The following MGAT3 variants were observed in gnomAD, a reference collection of about 807,000 sequenced individuals.
MGAT3 encodes GlcNAc-T III.
A neutral mutation model predicts 29.8 loss-of-function variants in MGAT3; 9 were observed. That is an observed-to-expected ratio of 0.30 (90% CI 0.18 to 0.53). MGAT3 has a LOEUF of 0.53. Ranked by LOEUF, MGAT3 falls within the 20% of genes least tolerant of loss-of-function variation. The probability of loss-of-function intolerance (pLI) is 0.96; values close to 1 mark genes in which losing one functional copy is unlikely to be tolerated. For missense variants in MGAT3, 557 were observed against 769.5 expected, an observed-to-expected ratio of 0.72 and a Z score of 3.27; for synonymous variants, 397 against 348.9, an observed-to-expected ratio of 1.14 and a Z score of -1.54.
chr22:39,461,318 CA>C (rs1309145204), intron 1 of MGAT3, among the ~76,000 whole-genome samples: 2 of 152,110 alleles, frequency 1.3e-5, no homozygotes, highest in Non-Finnish European at 2.9e-5. Flanking sequence ...GAAGGGCTTT[CA>C]GGGGGAGGCA....
chr22:39,490,401 C>T lies in MGAT3; in HGVS notation c.*1452C>T, dbSNP rs972170674. ...GAAGTGTAGTCTTCAGCGGGGCCGC[C>T]ATGTGCCTGGCCTCACCTTGGGAGT... On this transcript the variant is annotated 3_prime_UTR_variant, in exon 2 of 2. Transcript: ENST00000341184. 4 of 167,028 alleles carry T rather than the reference C, an allele frequency of 2.4e-5. No homozygotes were observed. Among genetic ancestry groups the T allele is most frequent in the Non-Finnish European group, 5.9e-5 (4 of 68,148 alleles). The allele number at this position is 167,028 out of a possible 1,614,324, so 10.3% of individuals were successfully genotyped here. A position where few individuals can be genotyped will look rare whatever the true frequency, so the allele number is the denominator to read the frequency against.
chr22:39,467,588 A>G (rs1187252463), intron 1 of MGAT3, among the ~76,000 whole-genome samples: 3 of 152,196 alleles, frequency 2.0e-5, no homozygotes. Context: ...GAGGAGACAC[A>G]TGGACACGAC....
rs962905627 is a variant in MGAT3, at chr22:39,487,764, G to A, written c.417G>A (p.Gly139=). 4 of 1,510,494 alleles carry A rather than the reference G, an allele frequency of 2.6e-6. No homozygotes were observed. The Admixed American group carries it at 9.7e-5, about 37-fold the overall frequency. 93.6% of individuals were successfully genotyped at this position (1,510,494 alleles called of 1,614,324 possible). A position where few individuals can be genotyped will look rare whatever the true frequency, so the allele number is the denominator to read the frequency against. Residue 139 remains glycine, a synonymous_variant, in exon 2 of 2, where the codon GGG becomes GGA. Transcript: ENST00000341184. The surrounding 1 kb of genome is among the most constrained non-coding windows in gnomAD (Gnocchi z 5.7). ...GACGGCCGGAGGAGAAGCCTGAGGG[G>A]GCCAACGGCTCCTCGGCCCGGCGGC... ...PPGRPEEKPE[G]ANGSSARRPP...
At chr22:39,462,526 C>T (rs1488713410) in intron 1 of MGAT3, among the ~76,000 whole-genome samples, 1 of 152,246 alleles carries the variant, frequency 6.6e-6, no homozygotes, top group Admixed American at 6.5e-5. Context: ...AGAGGGCAGC[C>T]TCACACTACA....
At chr22:39,472,947 G>T (rs1306130120) in intron 1 of MGAT3, 3 of 152,596 alleles carry the variant, frequency 2.0e-5, no homozygotes, top group Non-Finnish European at 4.4e-5. Flanking sequence ...CAGCTGCAAT[G>T]CGGGCTGGAG....
intron 1 of MGAT3, among the ~76,000 whole-genome samples, chr22:39,481,700 G>A (rs1477029547): frequency 6.6e-6 from 1 of 152,224 alleles, no homozygotes; most frequent in Non-Finnish European, 1.5e-5. Flanking sequence ...CTTGGCAGCT[G>A]GAAGGGGCTC....
At chr22:39,484,009 C>T (rs1478801772) in intron 1 of MGAT3, among the ~76,000 whole-genome samples, 1 of 152,240 alleles carries the variant, frequency 6.6e-6, no homozygotes, top group African/African-American at 2.4e-5. Context: ...TACCAGCCTG[C>T]TCAGGACTCC....
At chr22:39,468,441 C>T (rs186472203) in intron 1 of MGAT3, among the ~76,000 whole-genome samples, 102 of 152,374 alleles carry the variant, frequency 6.7e-4, no homozygotes, top group African/African-American at 2.3e-3. Flanking sequence ...GCCGCTCTTC[C>T]TTTCCCACCG....
At chr22:39,479,663 C>T (rs1176460687) in intron 1 of MGAT3, among the ~76,000 whole-genome samples, 2 of 152,250 alleles carry the variant, frequency 1.3e-5, no homozygotes, top group African/African-American at 4.8e-5. Context: ...TAGCACTTAT[C>T]ATTGAGTGCT....
chr22:39,479,063 C>T (rs937751622), intron 1 of MGAT3, among the ~76,000 whole-genome samples: 19 of 152,208 alleles, frequency 1.2e-4, no homozygotes, highest in Non-Finnish European at 2.6e-4. Context: ...GACCCAGGAC[C>T]GGCCAGAGGC....
At chr22:39,484,819 G>C (rs893693215) in intron 1 of MGAT3, among the ~76,000 whole-genome samples, 1 of 152,002 alleles carries the variant, frequency 6.6e-6, no homozygotes, top group Non-Finnish European at 1.5e-5. Flanking sequence ...CCTGGCCAAC[G>C]TAGTGAAACC....
chr22:39,466,558 C>T (rs184720908), intron 1 of MGAT3, among the ~76,000 whole-genome samples: 2 of 152,210 alleles, frequency 1.3e-5, no homozygotes, highest in East Asian at 1.9e-4. Context: ...TCCTACTTCC[C>T]GGCCTTTGCT....
intron 1 of MGAT3, among the ~76,000 whole-genome samples, chr22:39,461,512 C>T (rs906051430): frequency 6.6e-6 from 1 of 152,192 alleles, no homozygotes; most frequent in African/African-American, 2.4e-5. Context: ...GGGTTCTGCA[C>T]AGAATGGGCC....
chr22:39,487,713 C>A lies in MGAT3; in HGVS notation c.366C>A (p.Thr122=). 6.3e-7 allele frequency: 1 copy of A among 1,577,828 alleles called. No individual in the cohort carries two copies. Among genetic ancestry groups the A allele is most frequent in the Non-Finnish European group, 8.6e-7 (1 of 1,163,458 alleles). Residue 122 remains threonine, a synonymous_variant, in exon 2 of 2, where the codon ACC becomes ACA. Coordinates refer to ENST00000341184, the MANE Select transcript of MGAT3 (RefSeq NM_002409.5). The surrounding 1 kb of genome is among the most constrained non-coding windows in gnomAD (Gnocchi z 5.7). ...GCGGCGTCTGCTTCAAACCCGGCAC[C>A]AAGATGCTGGAGAGGCCGCCCCCGG... The part of the protein sequence containing the change: ...KAGGVCFKPG[T]KMLERPPPGR...
intron 1 of MGAT3, among the ~76,000 whole-genome samples, chr22:39,459,941 C>T (rs754122055): frequency 6.6e-6 from 1 of 152,224 alleles, no homozygotes; most frequent in Non-Finnish European, 1.5e-5. Flanking sequence ...ATGAGAATCA[C>T]GAGAGGGCTG....
chr22:39,469,585 C>T (rs1363476432), intron 1 of MGAT3, among the ~76,000 whole-genome samples: 2 of 152,202 alleles, frequency 1.3e-5, no homozygotes, highest in African/African-American at 4.8e-5. Flanking sequence ...CCACCTGCCA[C>T]CTGGTGCATG....
At chr22:39,461,499 T>C (rs778706463) in intron 1 of MGAT3, among the ~76,000 whole-genome samples, 6 of 152,168 alleles carry the variant, frequency 3.9e-5, no homozygotes, top group Non-Finnish European at 8.8e-5. Context: ...TGGCCTGGCC[T>C]TGGGGTTCTG....
chr22:39,466,559 G>A (rs962569714), intron 1 of MGAT3, among the ~76,000 whole-genome samples: 3 of 152,116 alleles, frequency 2.0e-5, no homozygotes, highest in African/African-American at 4.8e-5. Context: ...CCTACTTCCC[G>A]GCCTTTGCTG....
rs1445923278 is a variant in MGAT3 at position 39,489,082 on chromosome 22, G to A, written c.*133G>A. The stretch of plus-strand genomic sequence containing the variant: ...GGTGGGGAGTGGGGGTGGGGGTAGG[G>A]TTTCCCTACTGAAGCCCTTGTGAAT... On this transcript the variant is annotated 3_prime_UTR_variant, in exon 2 of 2. Coordinates refer to ENST00000341184, the MANE Select transcript of MGAT3 (RefSeq NM_002409.5). 2 of 1,153,026 alleles carry A rather than the reference G, an allele frequency of 1.7e-6. No individual in the cohort carries two copies. Among genetic ancestry groups the A allele is most frequent in the East Asian group, 2.6e-5 (1 of 38,668 alleles). The allele number at this position is 1,153,026 out of a possible 1,614,324, so 71.4% of individuals were successfully genotyped here. A position where few individuals can be genotyped will look rare whatever the true frequency, so the allele number is the denominator to read the frequency against.
Sources: gnomAD v4.1 joint callset for allele counts (sites outside exome capture counted in the v4.1 genomes callset) on GRCh38, gnomAD v4.1.1 for gene constraint, Gnocchi (gnomAD v3.1) non-coding constraint, MANE v1.5 for transcripts, NCBI Gene and HGNC (gene_info 2026-07-23, HGNC 2026-07-21) for gene names.